The following OSBPL3 variants were observed in gnomAD, a reference collection of about 807,000 sequenced individuals.
OSBPL3 encodes oxysterol-binding protein-related protein 3.
In OSBPL3, 65 loss-of-function variants were observed where a neutral mutation model predicts 120.1. That is an observed-to-expected ratio of 0.54 (90% confidence interval 0.44 to 0.67). OSBPL3 has a LOEUF of 0.67. OSBPL3 is among the 30% of genes least tolerant of loss of function. The pLI, the probability that OSBPL3 is intolerant of heterozygous loss-of-function variation, is 0.00. For synonymous variants in OSBPL3, 416 were observed against 402.6 expected, an observed-to-expected ratio of 1.03 and a Z score of -0.40; for missense variants, 1,004 against 1,082.1, an observed-to-expected ratio of 0.93 and a Z score of 1.01.
chr7:24,884,022 CTA>C (rs1448082612), intron 2 of OSBPL3, among the ~76,000 whole-genome samples: 1 of 151,974 alleles, frequency 6.6e-6, no homozygotes, highest in Non-Finnish European at 1.5e-5. Context: ...ACTATAAGAA[CTA>C]TATAGTTAAT....
rs1165413348 is a variant in OSBPL3 at position 24,830,662 on chromosome 7, G to A, written c.1884+106C>T. On this transcript the variant is annotated intron_variant, in intron 16 of 22. Transcript: ENST00000313367. This position sits in a 1 kb window ranked among gnomAD's most constrained non-coding sequence, Gnocchi z 4.4. ...TGTTGAAAAGCACTGTAATTATCTC[G>A]GCTGCTTTGAAGCCAGTGAAAGGTG... is the stretch of plus-strand genomic sequence containing the variant. 7 of 1,101,004 alleles carry A rather than the reference G, an allele frequency of 6.4e-6. No homozygotes were observed. The highest frequency in any genetic ancestry group is 7.8e-6 in the Non-Finnish European group (6 of 768,050). 68.2% of individuals were successfully genotyped at this position (1,101,004 alleles called of 1,614,324 possible).
At chr7:24,828,805 A>ACTT (rs1796040226) in intron 16 of OSBPL3, among the ~76,000 whole-genome samples, 1 of 152,034 alleles carries the variant, frequency 6.6e-6, no homozygotes, top group South Asian at 2.1e-4. Flanking sequence ...AGTTGAAGGA[A>ACTT]CTTACATAAG....
chr7:24,849,251 G>C lies in OSBPL3; in HGVS notation c.1159-75C>G, dbSNP rs926673657. The stretch of plus-strand genomic sequence containing the variant: ...AAAAGCACAGCAGTGGGCCCTGCAG[G>C]AGCGATCTCTAAGAGCTTGATGAAA... On this transcript the variant is annotated intron_variant, in intron 11 of 22. Coordinates refer to ENST00000313367, the MANE Select transcript of OSBPL3 (RefSeq NM_015550.4). The surrounding 1 kb of genome is among the most constrained non-coding windows in gnomAD (Gnocchi z 5.4). 1 of 1,092,432 alleles carries C rather than the reference G, an allele frequency of 9.2e-7. No homozygotes were observed. Among genetic ancestry groups the C allele is most frequent in the Admixed American group, 1.9e-5 (1 of 52,268 alleles). The allele number at this position is 1,092,432 out of a possible 1,614,324, so 67.7% of individuals were successfully genotyped here.
rs369428367 is a variant in OSBPL3, at chr7:24,865,474, C to T, written c.550-9G>A. The T allele has an allele frequency of 2.0e-5, 32 of 1,612,272 alleles. No individual in the cohort carries two copies. The highest frequency in any genetic ancestry group is 1.6e-4 in the Middle Eastern group (1 of 6,078). On this transcript the variant is annotated splice_polypyrimidine_tract_variant and intron_variant, in intron 6 of 22. Transcript: ENST00000313367. The stretch of plus-strand genomic sequence containing the variant: ...TTTGATATACTGCTACGCTGTTCCA[C>T]GGATGACAAAAGCACATTGTAAATG...
chr7:24,938,262 G>A lies in OSBPL3; in HGVS notation c.-150+41624C>T, dbSNP rs1405618900. Among the ~76,000 whole-genome samples the A allele has an allele frequency of 2.0e-5, 3 of 152,162 alleles. No individual in the cohort carries two copies. Among genetic ancestry groups the A allele is most frequent in the East Asian group, 1.9e-4 (1 of 5,196 alleles). On this transcript the variant is annotated intron_variant, in intron 1 of 22. Coordinates refer to ENST00000313367, the MANE Select transcript of OSBPL3 (RefSeq NM_015550.4). The surrounding 1 kb of genome is among the most constrained non-coding windows in gnomAD (Gnocchi z 5.8). ...AGAGAGCTGTCTTGCCTTCCACCAC[G>A]TGAGGACACAAAGAAGGCATCATCT...
intron 1 of OSBPL3, among the ~76,000 whole-genome samples, chr7:24,941,183 C>T (rs1218201154): frequency 6.6e-6 from 1 of 152,166 alleles, no homozygotes; most frequent in East Asian, 1.9e-4. Context: ...GATGACCTTT[C>T]ACATATGTAT....
intron 2 of OSBPL3, among the ~76,000 whole-genome samples, 168 bp downstream of exon 2, chr7:24,892,209 C>T (rs1304024564): frequency 2.0e-5 from 3 of 152,150 alleles, no homozygotes; most frequent in African/African-American, 7.2e-5. Context: ...GGTAGGCACA[C>T]ATTATTAAAA....
At chr7:24,902,648 T>C (rs1261050918) in intron 1 of OSBPL3, among the ~76,000 whole-genome samples, 1 of 151,530 alleles carries the variant, frequency 6.6e-6, no homozygotes, top group African/African-American at 2.4e-5. Context: ...CAACTTACAC[T>C]GTACAGAGGC....
At position 24,867,508 on chromosome 7, in the gene OSBPL3, T is replaced by C. The variant is rs1186145428; in HGVS notation, c.382-1271A>G. Among the ~76,000 whole-genome samples, 1 of 152,132 alleles carries C rather than the reference T, an allele frequency of 6.6e-6. No homozygotes were observed. Among genetic ancestry groups the C allele is most frequent in the Non-Finnish European group, 1.5e-5 (1 of 68,032 alleles). On this transcript the variant is annotated intron_variant, in intron 5 of 22. Coordinates refer to ENST00000313367, the MANE Select transcript of OSBPL3 (RefSeq NM_015550.4). This position sits in a 1 kb window ranked among gnomAD's most constrained non-coding sequence, Gnocchi z 4.5. ...GCAAGTCATTCCCATGGTGTTCTCGTGGTGGTGCGTGGGTCTCGCAAGATC... is the reference window on the plus strand; with the variant it reads ...GCAAGTCATTCCCATGGTGTTCTCGCGGTGGTGCGTGGGTCTCGCAAGATC...
In OSBPL3 at chr7:24,949,700, G is replaced by T. The variant is rs543647714; in HGVS notation, c.-150+30186C>A. Among the ~76,000 whole-genome samples, 7 of 152,234 alleles carry T rather than the reference G, an allele frequency of 4.6e-5. No homozygotes were observed. The South Asian group carries it at 1.0e-3, about 23-fold the overall frequency. ...TGGGTGGCATCAACTCAGCCTGAAGGCAAGAGTGACCCAGAAAGGCGGAAG... is the reference window on the plus strand; with the variant it reads ...TGGGTGGCATCAACTCAGCCTGAAGTCAAGAGTGACCCAGAAAGGCGGAAG... On this transcript the variant is annotated intron_variant, in intron 1 of 22. Coordinates refer to ENST00000313367, the MANE Select transcript of OSBPL3 (RefSeq NM_015550.4).
chr7:24,820,838 C>A lies in OSBPL3; in HGVS notation c.1885-600G>T, dbSNP rs1482369935. Among the ~76,000 whole-genome samples, 1 of 147,660 alleles carries A rather than the reference C, an allele frequency of 6.8e-6. No homozygotes were observed. ...CTATTAAAAAAAAAAAAGGTAAACA[C>A]AATTGTTGAGGAAATGTTAGTCAAC... On this transcript the variant is annotated intron_variant, in intron 16 of 22. Coordinates refer to ENST00000313367, the MANE Select transcript of OSBPL3 (RefSeq NM_015550.4). This position sits in a 1 kb window ranked among gnomAD's most constrained non-coding sequence, Gnocchi z 4.6.
Position 24,871,790 on chromosome 7 carries a change from G to C in OSBPL3, c.219C>G (p.Phe73Leu), listed in dbSNP as rs763724855. 1 of 1,611,406 alleles carries C rather than the reference G, an allele frequency of 6.2e-7. No individual in the cohort carries two copies. The highest frequency in any genetic ancestry group is 1.3e-5 in the African/African-American group (1 of 74,840). ...TCAAGATTCCTTTGTCCAGATAGAAGAATCTCTGTGGGGAAGAAAGTATTA... is the reference window on the plus strand; with the variant it reads ...TCAAGATTCCTTTGTCCAGATAGAACAATCTCTGTGGGGAAGAAAGTATTA... The part of the protein sequence containing the change: ...KWPLKGWHKR[F>L]FYLDKGILKY... The change falls in exon 4 of 23, where the codon TTC becomes TTG. Residue 73 changes from phenylalanine to leucine, a missense_variant. Phe to Leu is a conservative substitution (Grantham distance 22, BLOSUM62 0). Transcript: ENST00000313367. This position sits in a 1 kb window ranked among gnomAD's most constrained non-coding sequence, Gnocchi z 4.8.
chr7:24,934,533 C>T (rs1364152526), intron 1 of OSBPL3, among the ~76,000 whole-genome samples: 4 of 152,134 alleles, frequency 2.6e-5, no homozygotes, highest in Non-Finnish European at 4.4e-5. Flanking sequence ...GGGAGTAGCA[C>T]AAAGTACATT....
At chr7:24,825,206 C>T (rs1261593953) in intron 16 of OSBPL3, among the ~76,000 whole-genome samples, 3 of 152,128 alleles carry the variant, frequency 2.0e-5, no homozygotes, top group Non-Finnish European at 4.4e-5. Flanking sequence ...AGTCCTACTG[C>T]AATAATCCCA....
chr7:24,867,559 C>T lies in OSBPL3; in HGVS notation c.382-1322G>A, dbSNP rs1801505756. ...TGGTGGTATTATAAAGTGGTGTTTC[C>T]CTGCACAAACTCTTTCTCTTTGCCT... On this transcript the variant is annotated intron_variant, in intron 5 of 22. Transcript: ENST00000313367. The surrounding 1 kb of genome is among the most constrained non-coding windows in gnomAD (Gnocchi z 4.5). Among the ~76,000 whole-genome samples, 2 of 152,188 alleles carry T rather than the reference C, an allele frequency of 1.3e-5. No individual in the cohort carries two copies. The highest frequency in any genetic ancestry group is 2.4e-5 in the African/African-American group (1 of 41,530).
At chr7:24,884,376 T>C (rs529762557) in intron 2 of OSBPL3, among the ~76,000 whole-genome samples, 1 of 152,164 alleles carries the variant, frequency 6.6e-6, no homozygotes, top group South Asian at 2.1e-4. Flanking sequence ...CTTTCCACAG[T>C]GGGGGAAACA....
chr7:24,893,833 G>C (rs1805728768), intron 1 of OSBPL3, among the ~76,000 whole-genome samples: 1 of 152,120 alleles, frequency 6.6e-6, no homozygotes, highest in East Asian at 1.9e-4. Flanking sequence ...AGGAAATGTG[G>C]GCCTAGAATC....
In OSBPL3 at chr7:24,849,357, C is replaced by G. The variant is rs184961984; in HGVS notation, c.1159-181G>C. On this transcript the variant is annotated intron_variant, in intron 11 of 22. Coordinates refer to ENST00000313367, the MANE Select transcript of OSBPL3 (RefSeq NM_015550.4). The surrounding 1 kb of genome is among the most constrained non-coding windows in gnomAD (Gnocchi z 5.4). ...CCAAGAGGATACTGGTTCTGAGATGCCTGGGAGATGACAAACCTGGGCTCT... is the reference window on the plus strand; with the variant it reads ...CCAAGAGGATACTGGTTCTGAGATGGCTGGGAGATGACAAACCTGGGCTCT... 2.5e-5 allele frequency: 11 copies of G among 441,830 alleles called. No homozygotes were observed. The highest frequency in any genetic ancestry group is 1.6e-4 in the African/African-American group (8 of 49,762). The allele number at this position is 441,830 out of a possible 1,614,324, so 27.4% of individuals were successfully genotyped here.
intron 20 of OSBPL3, among the ~76,000 whole-genome samples, chr7:24,809,489 T>C (rs1793493426): frequency 6.6e-6 from 1 of 152,202 alleles, no homozygotes; most frequent in Non-Finnish European, 1.5e-5. Context: ...TGCATTTCAC[T>C]GATACTCTTT....
Sources: allele counts gnomAD v4.1 joint callset (sites outside exome capture counted in the v4.1 genomes callset), GRCh38; gene constraint gnomAD v4.1.1; non-coding constraint Gnocchi (gnomAD v3.1); transcripts MANE v1.5; gene names NCBI Gene and HGNC (gene_info 2026-07-23, HGNC 2026-07-21).